Variants in ATXN1 observed in about 807,000 individuals in gnomAD.
ATXN1 encodes the protein ataxin-1.
ATXN1 carries 8 observed loss-of-function variants against 56.4 expected under a neutral mutation model. The ratio of observed to expected loss-of-function variants is 0.14; its 90% CI spans 0.08 to 0.26. ATXN1 has a LOEUF of 0.26. Ranked by LOEUF, ATXN1 falls within the 10% of genes least tolerant of loss-of-function variation. The pLI is 1.00. For synonymous variants in ATXN1, 514 were observed against 494.6 expected (o/e 1.04, Z -0.52); for missense variants, 987 against 1,106.5 (o/e 0.89, Z 1.53).
At chr6:16,706,966 C>T (rs1341759463) in intron 2 of ATXN1, among the ~76,000 whole-genome samples, 2 of 152,110 alleles carry the variant, frequency 1.3e-5, no homozygotes, top group Non-Finnish European at 2.9e-5. Context: ...CATCTCTTTT[C>T]AATCCTAGAC....
At chr6:16,574,181 C>A (rs1236846147) in intron 4 of ATXN1, among the ~76,000 whole-genome samples, 1 of 152,106 alleles carries the variant, frequency 6.6e-6, no homozygotes, top group African/African-American at 2.4e-5. Context: ...TACACACCAC[C>A]ATGCCTAGCT....
chr6:16,514,255 G>A (rs1015910522), intron 5 of ATXN1, among the ~76,000 whole-genome samples: 2 of 152,070 alleles, frequency 1.3e-5, no homozygotes, highest in Admixed American at 6.5e-5. Flanking sequence ...GAGCAAGAAC[G>A]CAATGTGCAG....
chr6:16,328,443 T>C lies in ATXN1; in HGVS notation c.-133A>G, dbSNP rs879193176. The C allele has an allele frequency of 7.6e-7, 1 of 1,317,924 alleles. No homozygotes were observed. Among genetic ancestry groups the C allele is most frequent in the Admixed American group, 3.4e-5 (1 of 29,556 alleles). The allele number at this position is 1,317,924 out of a possible 1,614,324, so 81.6% of individuals were successfully genotyped here. On this transcript the variant is annotated 5_prime_UTR_variant, in exon 7 of 8. Transcript: ENST00000436367. The surrounding 1 kb of genome is among the most constrained non-coding windows in gnomAD (Gnocchi z 6.2). Reference sequence around the variant, plus strand: ...TCATGAGGAATCATCTCCCCGTGGGTACAATCCGCCAACAGCAGCTCTGGA... The same window carrying C: ...TCATGAGGAATCATCTCCCCGTGGGCACAATCCGCCAACAGCAGCTCTGGA...
At chr6:16,659,282 C>T (rs1047582738) in intron 2 of ATXN1, among the ~76,000 whole-genome samples, 1 of 152,202 alleles carries the variant, frequency 6.6e-6, no homozygotes, top group Non-Finnish European at 1.5e-5. Flanking sequence ...TGTAACTCAG[C>T]TCCCACTCAA....
intron 4 of ATXN1, among the ~76,000 whole-genome samples, chr6:16,540,408 C>T (rs1761690949): frequency 6.6e-6 from 1 of 152,102 alleles, no homozygotes; most frequent in African/African-American, 2.4e-5. Flanking sequence ...AGACGGGTTT[C>T]ACCATGTTGG....
chr6:16,580,709 G>C (rs975819248), intron 4 of ATXN1, among the ~76,000 whole-genome samples: 7 of 152,120 alleles, frequency 4.6e-5, no homozygotes, highest in Non-Finnish European at 1.0e-4. Flanking sequence ...AGCCTGGTAA[G>C]TTATTTTAAA....
At chr6:16,627,004 T>G (rs1034915376) in intron 3 of ATXN1, among the ~76,000 whole-genome samples, 18 of 152,356 alleles carry the variant, frequency 1.2e-4, no homozygotes, top group African/African-American at 4.3e-4. Flanking sequence ...CAGTCTGGGT[T>G]ACTTTGTTAT....
At chr6:16,395,270 CAAAAAAAAAAAA>C (rs748314030) in intron 6 of ATXN1, among the ~76,000 whole-genome samples, 1 of 48,456 alleles carries the variant, frequency 2.1e-5, no homozygotes, top group Admixed American at 2.2e-4. Flanking sequence ...AACTCCGTCT[CAAAAAAAAAAAA>C]AAAAAAAAAC....
chr6:16,452,375 C>G (rs1759771519), intron 6 of ATXN1, among the ~76,000 whole-genome samples: 1 of 152,132 alleles, frequency 6.6e-6, no homozygotes, highest in Admixed American at 6.5e-5. Context: ...AGAAAGTAAA[C>G]CTTTCCAGAT....
intron 3 of ATXN1, among the ~76,000 whole-genome samples, chr6:16,637,593 A>C (rs1763623533): frequency 6.6e-6 from 1 of 152,232 alleles, no homozygotes; most frequent in South Asian, 2.1e-4. Context: ...AGAGTCACCT[A>C]TAACAAGTGA....
At chr6:16,674,177 G>A (rs1185423215) in intron 2 of ATXN1, among the ~76,000 whole-genome samples, 2 of 151,812 alleles carry the variant, frequency 1.3e-5, no homozygotes, top group East Asian at 1.9e-4. Flanking sequence ...TTTTTAAAAT[G>A]GCCCCACTAT....
chr6:16,757,587 C>A (rs946485687), intron 1 of ATXN1, among the ~76,000 whole-genome samples: 6 of 152,168 alleles, frequency 3.9e-5, no homozygotes, highest in Admixed American at 3.3e-4. Context: ...AACTCATAAA[C>A]CCCCTGGGAA....
At chr6:16,623,692 G>A (rs990214674) in intron 3 of ATXN1, among the ~76,000 whole-genome samples, 1 of 152,218 alleles carries the variant, frequency 6.6e-6, no homozygotes, top group Admixed American at 6.5e-5. Flanking sequence ...CCAATCTTCT[G>A]TTCCCATTTA....
intron 6 of ATXN1, among the ~76,000 whole-genome samples, chr6:16,366,637 C>T (rs535211233): frequency 2.0e-5 from 3 of 151,814 alleles, no homozygotes; most frequent in African/African-American, 7.3e-5. Flanking sequence ...AAAAATTAGC[C>T]GGGCATGATG....
At chr6:16,496,221 G>A (rs1240293492) in intron 5 of ATXN1, among the ~76,000 whole-genome samples, 1 of 151,978 alleles carries the variant, frequency 6.6e-6, no homozygotes, top group Non-Finnish European at 1.5e-5. Context: ...CTCTTTTTTT[G>A]GAGGAGGCTT....
At chr6:16,647,912 C>T (rs1763828504) in intron 3 of ATXN1, among the ~76,000 whole-genome samples, 1 of 152,098 alleles carries the variant, frequency 6.6e-6, no homozygotes, top group Non-Finnish European at 1.5e-5. Flanking sequence ...CCCCTCTCTA[C>T]TAAAAATACA....
chr6:16,332,400 G>C (rs1220797003), intron 6 of ATXN1, among the ~76,000 whole-genome samples: 1 of 152,162 alleles, frequency 6.6e-6, no homozygotes, highest in Non-Finnish European at 1.5e-5. Flanking sequence ...AAATAAGGAA[G>C]AGAGAAAAAG....
intron 4 of ATXN1, among the ~76,000 whole-genome samples, chr6:16,543,666 G>A (rs1157633354): frequency 6.8e-6 from 1 of 147,978 alleles, no homozygotes; most frequent in African/African-American, 2.5e-5. Flanking sequence ...GAGAGAGAGA[G>A]TTTAAGCATG....
intron 2 of ATXN1, among the ~76,000 whole-genome samples, chr6:16,688,954 G>A (rs569467514): frequency 6.6e-6 from 1 of 152,060 alleles, no homozygotes; most frequent in South Asian, 2.1e-4. Flanking sequence ...TGTGTGTGGT[G>A]TGTATACATG....
Sources: gnomAD v4.1 joint callset for allele counts (sites outside exome capture counted in the v4.1 genomes callset) on GRCh38, gnomAD v4.1.1 for gene constraint, Gnocchi (gnomAD v3.1) non-coding constraint, MANE v1.5 for transcripts, NCBI Gene and HGNC (gene_info 2026-07-23, HGNC 2026-07-21) for gene names.